THSD7B: variants seen among roughly 807,000 people sequenced by gnomAD.
The protein encoded by THSD7B is thrombospondin type-1 domain-containing protein 7B.
Under a neutral mutation model 213.6 loss-of-function variants are expected in THSD7B, and 138 were observed. The ratio of observed to expected loss-of-function variants is 0.65; its 90% CI spans 0.56 to 0.74. The LOEUF (loss-of-function observed/expected upper bound fraction) is 0.74, where lower values mean the gene tolerates loss of function less well. THSD7B is among the 30% of genes least tolerant of loss of function. The pLI, the probability that THSD7B is intolerant of heterozygous loss-of-function variation, is 0.00. For missense variants in THSD7B, 1,931 were observed against 1,991.5 expected (o/e 0.97, Z 0.58); for synonymous variants, 742 against 687.0 (o/e 1.08, Z -1.25).
At chr2:136,789,528 G>A (rs890499041) in intron 1 of THSD7B, among the ~76,000 whole-genome samples, 7 of 152,220 alleles carry the variant, frequency 4.6e-5, no homozygotes, top group Admixed American at 3.9e-4. Flanking sequence ...GAAATGTACA[G>A]TAAGTAATTT....
chr2:137,067,009 T>A (rs995359264), intron 3 of THSD7B, among the ~76,000 whole-genome samples: 3 of 152,118 alleles, frequency 2.0e-5, no homozygotes, highest in Non-Finnish European at 2.9e-5. Flanking sequence ...TACTTTACGA[T>A]GTTTTTGATT....
intron 1 of THSD7B, among the ~76,000 whole-genome samples, chr2:136,781,845 C>T (rs1206608867): frequency 6.6e-6 from 1 of 152,166 alleles, no homozygotes; most frequent in Non-Finnish European, 1.5e-5. Flanking sequence ...ACTCTGCTCT[C>T]CTAGATGTGG....
chr2:137,490,357 A>T (rs1688576666), intron 15 of THSD7B, among the ~76,000 whole-genome samples: 1 of 152,246 alleles, frequency 6.6e-6, no homozygotes, highest in South Asian at 2.1e-4. Flanking sequence ...TATCTAAAAA[A>T]ATCGATTCCT....
intron 2 of THSD7B, among the ~76,000 whole-genome samples, chr2:136,923,469 G>T (rs944689961): frequency 2.0e-5 from 3 of 152,108 alleles, no homozygotes; most frequent in Non-Finnish European, 4.4e-5. Flanking sequence ...TATATTTCCA[G>T]AATATATCTG....
intron 2 of THSD7B, among the ~76,000 whole-genome samples, chr2:137,028,934 C>T (rs548271354): frequency 1.3e-5 from 2 of 152,098 alleles, no homozygotes; most frequent in South Asian, 4.2e-4. Flanking sequence ...TCATATCCCT[C>T]CAAGCAAAGA....
intron 10 of THSD7B, among the ~76,000 whole-genome samples, chr2:137,244,893 A>G (rs993550410): frequency 4.6e-5 from 7 of 152,210 alleles, no homozygotes; most frequent in African/African-American, 1.7e-4. Context: ...AATTGTATCT[A>G]TAAGCCTATG....
intron 27 of THSD7B, among the ~76,000 whole-genome samples, chr2:137,675,183 G>C (rs189039096): frequency 6.6e-6 from 1 of 151,938 alleles, no homozygotes; most frequent in African/African-American, 2.4e-5. Flanking sequence ...AGGGTGAAAT[G>C]GGGGAGGGAC....
intron 2 of THSD7B, among the ~76,000 whole-genome samples, chr2:137,032,630 G>A (rs1386335372): frequency 6.6e-6 from 1 of 152,162 alleles, no homozygotes; most frequent in Non-Finnish European, 1.5e-5. Context: ...AGTTCTTGTA[G>A]GCAGGCCCTA....
chr2:136,878,488 G>A (rs1240698232), intron 1 of THSD7B, among the ~76,000 whole-genome samples: 2 of 152,094 alleles, frequency 1.3e-5, no homozygotes, highest in Non-Finnish European at 2.9e-5. Flanking sequence ...TTGAGGAATT[G>A]CCACACTGAC....
At chr2:137,140,722 T>G (rs1573848554) in intron 5 of THSD7B, among the ~76,000 whole-genome samples, 1 of 152,194 alleles carries the variant, frequency 6.6e-6, no homozygotes, top group East Asian at 1.9e-4. Context: ...TGATAAGAAC[T>G]GTTTTCATTA....
At chr2:137,391,107 G>T (rs1459730030) in intron 12 of THSD7B, among the ~76,000 whole-genome samples, 1 of 152,018 alleles carries the variant, frequency 6.6e-6, no homozygotes, top group Non-Finnish European at 1.5e-5. Flanking sequence ...TTGTTGTTGA[G>T]AGACTTTATA....
chr2:137,414,150 C>A (rs571624782), intron 14 of THSD7B, among the ~76,000 whole-genome samples: 5 of 152,172 alleles, frequency 3.3e-5, no homozygotes, highest in African/African-American at 1.2e-4. Flanking sequence ...AATGCCATAG[C>A]AAAAGCTATT....
intron 1 of THSD7B, among the ~76,000 whole-genome samples, chr2:136,815,712 G>T (rs973177922): frequency 6.6e-6 from 1 of 152,006 alleles, no homozygotes; most frequent in African/African-American, 2.4e-5. Flanking sequence ...GTAAGCAAAT[G>T]GCCAAAGTTT....
intron 12 of THSD7B, among the ~76,000 whole-genome samples, chr2:137,298,264 T>C (rs1683514798): frequency 6.6e-6 from 1 of 152,052 alleles, no homozygotes. Flanking sequence ...TTGTGGAACT[T>C]TGAACTTGAG....
At chr2:137,282,489 T>C (rs1683050243) in intron 12 of THSD7B, among the ~76,000 whole-genome samples, 5 of 152,218 alleles carry the variant, frequency 3.3e-5, no homozygotes, top group Admixed American at 2.0e-4. Context: ...TGTGCCTATG[T>C]CCTGAATGGT....
intron 2 of THSD7B, among the ~76,000 whole-genome samples, chr2:136,925,949 G>A (rs969859261): frequency 2.0e-5 from 3 of 152,140 alleles, no homozygotes. Context: ...GAAATTATAT[G>A]ATGAAATTCC....
chr2:137,085,197 G>T lies in THSD7B; in HGVS notation c.951-9676G>T, dbSNP rs35125138. ...GGCATTTGTGGAACACAAATAAAAC[G>T]CCCTGGTCCTTGCATAATCAGCCAA... On this transcript the variant is annotated intron_variant, in intron 3 of 27. Transcript: ENST00000409968. Among the ~76,000 whole-genome samples, 155 of 152,176 alleles carry T rather than the reference G, an allele frequency of 1.0e-3. 1 individual carries two copies. Among genetic ancestry groups the T allele is most frequent in the Middle Eastern group, 3.4e-3 (1 of 294 alleles).
At chr2:136,772,539 C>T (rs1681526338) in intron 1 of THSD7B, among the ~76,000 whole-genome samples, 1 of 152,102 alleles carries the variant, frequency 6.6e-6, no homozygotes, top group South Asian at 2.1e-4. Flanking sequence ...GTATTAATGG[C>T]TTATCATTAG....
In THSD7B at chr2:137,357,819, T is replaced by C. The variant is rs188924983; in HGVS notation, c.2501-47794T>C. Among the ~76,000 whole-genome samples the C allele has an allele frequency of 3.6e-3, 546 of 152,304 alleles. 3 individuals carry two copies. Among genetic ancestry groups the C allele is most frequent in the African/African-American group, 0.012 (513 of 41,562 alleles). ...GATGAAATTACAATAGCCCATGTGATTGTAACCATGAGGAAGAGCAGCAAT... is the reference window on the plus strand; with the variant it reads ...GATGAAATTACAATAGCCCATGTGACTGTAACCATGAGGAAGAGCAGCAAT... On this transcript the variant is annotated intron_variant, in intron 12 of 27. Coordinates refer to ENST00000409968, the MANE Select transcript of THSD7B (RefSeq NM_001316349.2).
Sources: allele counts gnomAD v4.1 joint callset (sites outside exome capture counted in the v4.1 genomes callset), GRCh38; gene constraint gnomAD v4.1.1; transcripts MANE v1.5; gene names NCBI Gene and HGNC (gene_info 2026-07-23, HGNC 2026-07-21).